DACH2: variants seen among roughly 807,000 people sequenced by gnomAD.
The protein encoded by DACH2 is dachshund family transcription factor 2.
In DACH2, 17 loss-of-function variants were observed where a neutral mutation model predicts 35.8. That is an observed-to-expected ratio of 0.48 (90% CI 0.33 to 0.71). DACH2 has a LOEUF of 0.71. DACH2 is among the 30% of genes least tolerant of loss of function. DACH2 has a pLI of 0.02. For missense variants in DACH2, 469 were observed against 472.7 expected, an observed-to-expected ratio of 0.99 and a Z score of 0.07; for synonymous variants, 195 against 177.3, an observed-to-expected ratio of 1.10 and a Z score of -0.79.
intron 1 of DACH2, among the ~76,000 whole-genome samples, chrX:86,349,712 T>C: frequency 8.9e-6 from 1 of 112,599 alleles, no homozygotes; most frequent in Non-Finnish European, 1.9e-5. Context: ...ATCAAATTGA[T>C]CTCATTCTGA....
At chrX:86,308,852 G>A (rs2034742060) in intron 1 of DACH2, among the ~76,000 whole-genome samples, 1 of 111,403 alleles carries the variant, frequency 9.0e-6, no homozygotes. Context: ...AGGGGCTTAT[G>A]GAGGTCAGGT....
chrX:86,411,020 T>TTATATATATATA (rs36194671), intron 2 of DACH2, among the ~76,000 whole-genome samples: 753 of 40,476 alleles, frequency 0.019, 76 homozygotes, highest in East Asian at 0.16. Context: ...ACTAATATGA[T>TTATATATATATA]TATATATATA....
At chrX:86,460,459 GT>G (rs1249351802) in intron 2 of DACH2, among the ~76,000 whole-genome samples, 1 of 110,221 alleles carries the variant, frequency 9.1e-6, no homozygotes, top group Non-Finnish European at 1.9e-5. Context: ...TACACTACAG[GT>G]CAAATTTCAT....
chrX:86,563,703 T>G (rs2148325957), intron 3 of DACH2, among the ~76,000 whole-genome samples: 1 of 110,545 alleles, frequency 9.0e-6, no homozygotes, highest in African/African-American at 3.3e-5. Context: ...TCACTAGTTC[T>G]GTGTCCTTAG....
intron 3 of DACH2, among the ~76,000 whole-genome samples, chrX:86,622,731 C>T (rs1459924845): frequency 9.0e-6 from 1 of 111,500 alleles, no homozygotes; most frequent in Non-Finnish European, 1.9e-5. Context: ...TTCTTTTAAC[C>T]TAGATATTTT....
At chrX:86,276,447 G>A (rs1245897957) in intron 1 of DACH2, among the ~76,000 whole-genome samples, 1 of 111,527 alleles carries the variant, frequency 9.0e-6, no homozygotes, top group Non-Finnish European at 1.9e-5. Context: ...TGTTAGATGG[G>A]TGGTTTACAA....
chrX:86,619,863 C>A (rs779148295), intron 3 of DACH2, among the ~76,000 whole-genome samples: 14 of 112,021 alleles, frequency 1.2e-4, no homozygotes, highest in African/African-American at 4.5e-4. Context: ...GCTATATAGG[C>A]AAACATTAAA....
intron 6 of DACH2, among the ~76,000 whole-genome samples, chrX:86,715,340 G>A (rs1360881765): frequency 1.8e-5 from 2 of 111,693 alleles, no homozygotes; most frequent in African/African-American, 6.5e-5. Flanking sequence ...TATAATGTTA[G>A]AATACTATTT....
chrX:86,286,933 CTG>C (rs1248280119), intron 1 of DACH2, among the ~76,000 whole-genome samples: 3 of 111,652 alleles, frequency 2.7e-5, no homozygotes, highest in East Asian at 2.8e-4. Flanking sequence ...TCGTAATATT[CTG>C]TGTTTTTTTC....
chrX:86,830,643 C>T (rs1470187465), intron 11 of DACH2: 1 of 111,608 alleles, frequency 9.0e-6, no homozygotes, highest in Admixed American at 9.5e-5. Context: ...TTTCGCTATT[C>T]ATTGCTGAGT....
intron 1 of DACH2, among the ~76,000 whole-genome samples, chrX:86,267,167 C>T (rs769868010): frequency 2.7e-5 from 3 of 111,419 alleles, no homozygotes; most frequent in Non-Finnish European, 5.7e-5. Flanking sequence ...CAGATGTACA[C>T]GTATGCAATT....
intron 1 of DACH2, among the ~76,000 whole-genome samples, chrX:86,236,792 A>T (rs781095489): frequency 8.9e-6 from 1 of 112,396 alleles, no homozygotes; most frequent in South Asian, 3.7e-4. Flanking sequence ...GTGGTGAGTG[A>T]ATGTGAAGTC....
intron 1 of DACH2, 102 bp downstream of exon 1, chrX:86,149,210 A>C: frequency 1.0e-6 from 1 of 971,542 alleles, no homozygotes; most frequent in South Asian, 2.6e-5. Flanking sequence ...GTGAGTCTTA[A>C]CTAGTTTGCC....
At chrX:86,807,908 C>G (rs1259693068) in intron 7 of DACH2, among the ~76,000 whole-genome samples, 2 of 111,834 alleles carry the variant, frequency 1.8e-5, no homozygotes, top group Non-Finnish European at 3.8e-5. Context: ...ATTGTTTAGG[C>G]CTGTTTTCTC....
intron 3 of DACH2, among the ~76,000 whole-genome samples, chrX:86,516,884 A>G (rs2038476602): frequency 9.0e-6 from 1 of 111,593 alleles, no homozygotes; most frequent in Non-Finnish European, 1.9e-5. Flanking sequence ...CCTACAAAAG[A>G]CATGATCTCT....
intron 6 of DACH2, among the ~76,000 whole-genome samples, chrX:86,734,816 A>C (rs1176572079): frequency 8.9e-6 from 1 of 111,762 alleles, no homozygotes; most frequent in Non-Finnish European, 1.9e-5. Flanking sequence ...TTTATTATTA[A>C]AGTCTTTCAA....
At chrX:86,596,267 T>C (rs2039710622) in intron 3 of DACH2, among the ~76,000 whole-genome samples, 1 of 112,124 alleles carries the variant, frequency 8.9e-6, no homozygotes, top group Non-Finnish European at 1.9e-5. Context: ...TTGGGTCATA[T>C]GGTAATCTCG....
intron 3 of DACH2, among the ~76,000 whole-genome samples, chrX:86,517,964 C>A (rs1341888082): frequency 9.0e-6 from 1 of 111,557 alleles, no homozygotes; most frequent in African/African-American, 3.3e-5. Flanking sequence ...GTCATGAAAT[C>A]TTTGCCCATT....
intron 5 of DACH2, among the ~76,000 whole-genome samples, chrX:86,710,314 C>A (rs189059308): frequency 4.8e-4 from 54 of 111,913 alleles, no homozygotes; most frequent in Non-Finnish European, 9.2e-4. Context: ...CAGGTAAAGG[C>A]AAATCTATAC....
Sources: allele counts gnomAD v4.1 joint callset (sites outside exome capture counted in the v4.1 genomes callset), GRCh38; gene constraint gnomAD v4.1.1; transcripts MANE v1.5; gene names NCBI Gene and HGNC (gene_info 2026-07-23, HGNC 2026-07-21).